ACYP2: variants seen among roughly 807,000 people sequenced by gnomAD.
The protein encoded by ACYP2 is acylphosphatase-2.
In ACYP2, 12 loss-of-function variants were observed where a neutral mutation model predicts 11.2. That is an observed-to-expected ratio of 1.08 (90% CI 0.69 to 1.74). The LOEUF (loss-of-function observed/expected upper bound fraction) is 1.74, where lower values mean the gene tolerates loss of function less well. Among genes scored for constraint, ACYP2 ranks in the 40% most tolerant of loss-of-function variants. The pLI is 0.00. For missense variants in ACYP2, 134 were observed against 101.9 expected (o/e 1.31, Z -1.35); for synonymous variants, 43 against 32.2 (o/e 1.33, Z -1.13).
chr2:54,251,127 T>C (rs544810039), intron 6 of ACYP2, among the ~76,000 whole-genome samples: 25 of 152,344 alleles, frequency 1.6e-4, no homozygotes, highest in Non-Finnish European at 2.2e-4. Flanking sequence ...AAAACTGTGA[T>C]AAAGGTCAGT....
chr2:54,075,473 G>C (rs985632872), intron 4 of ACYP2, among the ~76,000 whole-genome samples: 1 of 150,828 alleles, frequency 6.6e-6, no homozygotes, highest in South Asian at 2.1e-4. Flanking sequence ...ATCCTATCCT[G>C]GGTGACAGAG....
At chr2:54,039,131 G>T (rs1186587468) in intron 2 of ACYP2, among the ~76,000 whole-genome samples, 1 of 150,948 alleles carries the variant, frequency 6.6e-6, no homozygotes, top group Non-Finnish European at 1.5e-5. Context: ...AGAGGGTGAG[G>T]TTGGGAGAGA....
At chr2:54,099,249 C>G (rs988705611) in intron 4 of ACYP2, among the ~76,000 whole-genome samples, 6 of 152,174 alleles carry the variant, frequency 3.9e-5, no homozygotes, top group African/African-American at 1.4e-4. Flanking sequence ...AGCTAATTAA[C>G]GTATGCATTA....
chr2:54,164,663 G>T (rs1470699734), intron 6 of ACYP2, among the ~76,000 whole-genome samples: 1 of 152,144 alleles, frequency 6.6e-6, no homozygotes, highest in East Asian at 1.9e-4. Flanking sequence ...TTGTCCTTTT[G>T]AGGTGCCTCT....
At chr2:54,125,931 A>C (rs11682807) in intron 4 of ACYP2, among the ~76,000 whole-genome samples, 26,938 of 148,830 alleles carry the variant, frequency 0.18, 2,475 homozygotes, top group Non-Finnish European at 0.19. Flanking sequence ...AAATACAAAA[A>C]TTAGCTGGGC....
chr2:54,029,158 C>T (rs577076233), intron 2 of ACYP2, among the ~76,000 whole-genome samples: 3 of 152,154 alleles, frequency 2.0e-5, no homozygotes, highest in African/African-American at 4.8e-5. Context: ...GAGGGAAATC[C>T]TGTCTCAGGA....
At chr2:54,262,240 G>A (rs1687811297) in intron 6 of ACYP2, among the ~76,000 whole-genome samples, 2 of 152,108 alleles carry the variant, frequency 1.3e-5, no homozygotes, top group South Asian at 2.1e-4. Flanking sequence ...CAGTGAATGC[G>A]ATACAGGAGC....
chr2:54,142,193 A>G (rs1681647296), intron 6 of ACYP2: 3 of 317,048 alleles, frequency 9.5e-6, no homozygotes, highest in Non-Finnish European at 5.7e-6. Flanking sequence ...ATTTACAGAA[A>G]AATTGTGAAG....
At chr2:54,122,548 TCTC>T (rs1000221390) in intron 4 of ACYP2, among the ~76,000 whole-genome samples, 4 of 152,240 alleles carry the variant, frequency 2.6e-5, no homozygotes, top group South Asian at 2.1e-4. Flanking sequence ...CATAGATAAA[TCTC>T]CTACAGAAGC....
At position 54,136,826 on chromosome 2, in the gene ACYP2, A is replaced by C. The variant is rs557504450; in HGVS notation, c.294+1357A>C. Among the ~76,000 whole-genome samples, 348 of 152,260 alleles carry C rather than the reference A, an allele frequency of 2.3e-3. 2 individuals carry two copies. Among genetic ancestry groups the C allele is most frequent in the African/African-American group, 8.1e-3 (335 of 41,552 alleles). Reference sequence around the variant, plus strand: ...CCCCATCTCTACTAAAAATACAAAAATTAGCTGGGCATGGTGGCAGATGCC... The same window carrying C: ...CCCCATCTCTACTAAAAATACAAAACTTAGCTGGGCATGGTGGCAGATGCC... On this transcript the variant is annotated intron_variant, in intron 5 of 6. Coordinates refer to ENST00000607452, the MANE Select transcript of ACYP2 (RefSeq NM_001320586.2).
At chr2:54,118,572 T>C (rs1381474144) in intron 4 of ACYP2, among the ~76,000 whole-genome samples, 1 of 152,270 alleles carries the variant, frequency 6.6e-6, no homozygotes, top group African/African-American at 2.4e-5. Context: ...AGTTGTGCTT[T>C]CCCATTATAA....
intron 6 of ACYP2, among the ~76,000 whole-genome samples, chr2:54,178,908 A>G (rs1176764566): frequency 6.6e-6 from 1 of 152,164 alleles, no homozygotes; most frequent in Non-Finnish European, 1.5e-5. Context: ...TCACGCTACT[A>G]TAACAAAATA....
intron 2 of ACYP2, among the ~76,000 whole-genome samples, chr2:53,976,887 G>A (rs1369519866): frequency 6.6e-6 from 1 of 152,078 alleles, no homozygotes; most frequent in Non-Finnish European, 1.5e-5. Flanking sequence ...CCAGATGTGG[G>A]CTTCTTTTTG....
intron 6 of ACYP2, among the ~76,000 whole-genome samples, chr2:54,261,044 C>A (rs843694): frequency 0.25 from 37,345 of 151,936 alleles, 4,812 homozygotes; most frequent in South Asian, 0.37. Flanking sequence ...AAGGCAGACA[C>A]CTTTAGAATT....
At chr2:54,221,315 C>T (rs1049176211) in intron 6 of ACYP2, among the ~76,000 whole-genome samples, 24 of 152,060 alleles carry the variant, frequency 1.6e-4, no homozygotes, top group African/African-American at 5.3e-4. Context: ...GGATTGTTGT[C>T]GCAATAGCTG....
intron 6 of ACYP2, among the ~76,000 whole-genome samples, chr2:54,221,102 C>T (rs1209052851): frequency 6.6e-6 from 1 of 152,074 alleles, no homozygotes; most frequent in Admixed American, 6.6e-5. Context: ...GAAGAGCTTT[C>T]CCTGGGCAGC....
chr2:54,216,302 C>G (rs1455051635), intron 6 of ACYP2, among the ~76,000 whole-genome samples: 1 of 152,108 alleles, frequency 6.6e-6, no homozygotes, highest in East Asian at 1.9e-4. Context: ...TCTGGTTGAG[C>G]AAAACCCCTC....
intron 6 of ACYP2, chr2:54,255,919 C>G (rs1329997496): frequency 8.1e-6 from 13 of 1,613,970 alleles, no homozygotes; most frequent in Non-Finnish European, 1.0e-5. Context: ...ATGACTGCGA[C>G]CCGCATCGAC....
At chr2:54,115,863 G>A (rs1679746767) in intron 4 of ACYP2, 107 bp downstream of exon 1, 3 of 1,335,064 alleles carry the variant, frequency 2.2e-6, no homozygotes, top group Non-Finnish European at 3.0e-6. Context: ...GTTGTGGCTG[G>A]GACTTCCGCT....
Sources: allele counts gnomAD v4.1 joint callset (sites outside exome capture counted in the v4.1 genomes callset), GRCh38; gene constraint gnomAD v4.1.1; transcripts MANE v1.5; gene names NCBI Gene and HGNC (gene_info 2026-07-23, HGNC 2026-07-21).